Variants in GULP1 observed in about 807,000 individuals in gnomAD.
GULP1 encodes the protein PTB domain-containing engulfment adapter protein 1.
A neutral mutation model predicts 40.9 loss-of-function variants in GULP1; 19 were observed. That is an observed-to-expected ratio of 0.46 (90% CI 0.32 to 0.68). The LOEUF (loss-of-function observed/expected upper bound fraction) is 0.68, where lower values mean the gene tolerates loss of function less well. GULP1 is among the 30% of genes least tolerant of loss of function. The probability of loss-of-function intolerance (pLI) is 0.03; values close to 1 mark genes in which losing one functional copy is unlikely to be tolerated. For synonymous variants in GULP1, 119 were observed against 117.6 expected, an observed-to-expected ratio of 1.01 and a Z score of -0.08; for missense variants, 312 against 362.2, an observed-to-expected ratio of 0.86 and a Z score of 1.12.
At chr2:188,311,158 C>T (rs1314749010) in intron 1 of GULP1, among the ~76,000 whole-genome samples, 1 of 152,112 alleles carries the variant, frequency 6.6e-6, no homozygotes, top group African/African-American at 2.4e-5. Context: ...ATGCCCAATT[C>T]CCCAAATAAT....
chr2:188,490,895 C>G (rs543341325), intron 4 of GULP1, among the ~76,000 whole-genome samples: 17 of 152,108 alleles, frequency 1.1e-4, no homozygotes, highest in Admixed American at 1.1e-3. Context: ...CCTCTGCCTC[C>G]TGGGCTCAGG....
At chr2:188,329,459 C>T (rs1288299604) in intron 1 of GULP1, among the ~76,000 whole-genome samples, 3 of 152,014 alleles carry the variant, frequency 2.0e-5, no homozygotes, top group African/African-American at 7.2e-5. Context: ...GGGGAAAGAA[C>T]CATCTGCATA....
intron 2 of GULP1, among the ~76,000 whole-genome samples, chr2:188,413,828 G>A (rs1559213076): frequency 1.3e-5 from 2 of 152,102 alleles, no homozygotes; most frequent in Non-Finnish European, 2.9e-5. Flanking sequence ...TTTCATATAG[G>A]TGGGTTATTT....
chr2:188,396,714 A>G (rs1010977834), intron 2 of GULP1, among the ~76,000 whole-genome samples: 7 of 152,178 alleles, frequency 4.6e-5, no homozygotes, highest in African/African-American at 1.7e-4. Flanking sequence ...ATTTCTGGCC[A>G]AAGGAATTTG....
intron 1 of GULP1, among the ~76,000 whole-genome samples, chr2:188,356,337 A>C (rs2045313735): frequency 6.6e-6 from 1 of 152,130 alleles, no homozygotes; most frequent in Non-Finnish European, 1.5e-5. Context: ...AAATTCAGCA[A>C]AGTTACAGCA....
intron 1 of GULP1, among the ~76,000 whole-genome samples, chr2:188,378,489 A>G (rs2048588363): frequency 6.6e-6 from 1 of 152,216 alleles, no homozygotes; most frequent in African/African-American, 2.4e-5. Flanking sequence ...TAGGTAATTT[A>G]TAAAGAAAAG....
At chr2:188,316,715 A>G (rs1399971685) in intron 1 of GULP1, among the ~76,000 whole-genome samples, 1 of 152,116 alleles carries the variant, frequency 6.6e-6, no homozygotes, top group African/African-American at 2.4e-5. Context: ...TAATATTTTC[A>G]GTAGTACTTA....
chr2:188,517,744 C>T (rs899769298), intron 4 of GULP1, among the ~76,000 whole-genome samples: 1 of 151,860 alleles, frequency 6.6e-6, no homozygotes, highest in African/African-American at 2.4e-5. Context: ...GGGAAAAATT[C>T]TTCTGCTTGG....
intron 6 of GULP1, among the ~76,000 whole-genome samples, chr2:188,529,859 A>G (rs999373871): frequency 2.6e-5 from 4 of 152,172 alleles, no homozygotes; most frequent in Admixed American, 6.5e-5. Context: ...TAAAGGCCTT[A>G]TCTCCTGTTT....
At chr2:188,578,441 C>T (rs1244636971) in intron 9 of GULP1, among the ~76,000 whole-genome samples, 1 of 151,366 alleles carries the variant, frequency 6.6e-6, no homozygotes, top group Non-Finnish European at 1.5e-5. Flanking sequence ...ACCTAGATGA[C>T]AGGTTGATAG....
intron 2 of GULP1, among the ~76,000 whole-genome samples, chr2:188,445,990 T>C (rs2058351456): frequency 6.6e-6 from 1 of 152,154 alleles, no homozygotes; most frequent in Admixed American, 6.5e-5. Context: ...TGGTAGACAC[T>C]ATTAGCTGCC....
intron 1 of GULP1, among the ~76,000 whole-genome samples, chr2:188,299,566 A>G (rs1559084572): frequency 6.6e-6 from 1 of 152,354 alleles, no homozygotes; most frequent in African/African-American, 2.4e-5. Flanking sequence ...ATCTGCAAAT[A>G]AAGAGATTCT....
intron 1 of GULP1, among the ~76,000 whole-genome samples, chr2:188,324,950 C>T (rs1338413939): frequency 6.6e-6 from 1 of 151,962 alleles, no homozygotes; most frequent in Non-Finnish European, 1.5e-5. Context: ...TAGAAAACAA[C>T]TGTCAACCTG....
intron 2 of GULP1, among the ~76,000 whole-genome samples, chr2:188,462,328 G>T (rs753100481): frequency 9.9e-5 from 15 of 152,114 alleles, no homozygotes; most frequent in Non-Finnish European, 2.1e-4. Flanking sequence ...TTTAAAACTT[G>T]TTTTGTGACC....
At chr2:188,339,323 G>T (rs1038135599) in intron 1 of GULP1, among the ~76,000 whole-genome samples, 27 of 152,170 alleles carry the variant, frequency 1.8e-4, no homozygotes. Flanking sequence ...TTTCTGTTTA[G>T]ATGATGCTTT....
At chr2:188,307,181 G>A (rs2037236396) in intron 1 of GULP1, among the ~76,000 whole-genome samples, 2 of 152,112 alleles carry the variant, frequency 1.3e-5, no homozygotes, top group South Asian at 4.1e-4. Context: ...AAATTTTACA[G>A]TATAATTATA....
At chr2:188,311,077 G>C (rs751207226) in intron 1 of GULP1, among the ~76,000 whole-genome samples, 1 of 152,202 alleles carries the variant, frequency 6.6e-6, no homozygotes, top group African/African-American at 2.4e-5. Flanking sequence ...AGAGATTTCA[G>C]AAGCCTGGCA....
intron 1 of GULP1, among the ~76,000 whole-genome samples, chr2:188,377,124 A>T (rs1313169910): frequency 6.6e-6 from 1 of 151,934 alleles, no homozygotes. Context: ...GTGAGCCGAG[A>T]TTGCACCACT....
At chr2:188,455,534 C>T (rs953886485) in intron 2 of GULP1, among the ~76,000 whole-genome samples, 15 of 152,156 alleles carry the variant, frequency 9.9e-5, no homozygotes, top group African/African-American at 3.6e-4. Context: ...ACTTGTTCCT[C>T]CTTGCCTTCT....
Sources: allele counts gnomAD v4.1 joint callset (sites outside exome capture counted in the v4.1 genomes callset), GRCh38; gene constraint gnomAD v4.1.1; transcripts MANE v1.5; gene names NCBI Gene and HGNC (gene_info 2026-07-23, HGNC 2026-07-21).